Variants in PRKCE observed in about 807,000 individuals in gnomAD.
PRKCE encodes protein kinase C epsilon.
Under a neutral mutation model 85.4 loss-of-function variants are expected in PRKCE, and 16 were observed. That is an observed-to-expected ratio of 0.19 (90% confidence interval 0.13 to 0.28). The LOEUF (loss-of-function observed/expected upper bound fraction) is 0.28, where lower values mean the gene tolerates loss of function less well. Among genes scored for constraint, PRKCE ranks in the 10% least tolerant of loss-of-function variants. The pLI, the probability that PRKCE is intolerant of heterozygous loss-of-function variation, is 1.00. For missense variants in PRKCE, 573 were observed against 975.2 expected (o/e 0.59, Z 5.49); for synonymous variants, 388 against 371.5 (o/e 1.04, Z -0.51).
At chr2:45,749,543 G>T (rs1249926112) in intron 1 of PRKCE, among the ~76,000 whole-genome samples, 1 of 152,182 alleles carries the variant, frequency 6.6e-6, no homozygotes, top group Non-Finnish European at 1.5e-5. Context: ...GCCTCAAAGA[G>T]AATTCACAGT....
At chr2:46,059,821 A>C (rs1272045387) in intron 10 of PRKCE, among the ~76,000 whole-genome samples, 1 of 151,390 alleles carries the variant, frequency 6.6e-6, no homozygotes, top group African/African-American at 2.5e-5. Context: ...TCTCTTTAAA[A>C]CAACAACAAC....
At chr2:45,987,573 T>G (rs1478916170) in intron 6 of PRKCE, among the ~76,000 whole-genome samples, 1 of 152,142 alleles carries the variant, frequency 6.6e-6, no homozygotes, top group Non-Finnish European at 1.5e-5. Flanking sequence ...CCCTGTATTA[T>G]GTGCCCCCCA....
chr2:45,909,661 C>A (rs1203968056), intron 2 of PRKCE, among the ~76,000 whole-genome samples: 1 of 152,196 alleles, frequency 6.6e-6, no homozygotes, highest in Non-Finnish European at 1.5e-5. Context: ...CATCCCCTAC[C>A]CCCATTCTGT....
chr2:46,033,519 G>A (rs1332961835), intron 10 of PRKCE, among the ~76,000 whole-genome samples: 1 of 152,176 alleles, frequency 6.6e-6, no homozygotes, highest in East Asian at 1.9e-4. Context: ...ATTCAATAGG[G>A]CTTGGGGATC....
At chr2:45,952,341 C>T (rs1284324371) in intron 2 of PRKCE, among the ~76,000 whole-genome samples, 3 of 152,244 alleles carry the variant, frequency 2.0e-5, no homozygotes, top group Non-Finnish European at 4.4e-5. Context: ...CGCAAGCGTA[C>T]ATAAGTCATC....
chr2:45,866,539 C>A (rs10189145), intron 2 of PRKCE, among the ~76,000 whole-genome samples: 62,182 of 151,758 alleles, frequency 0.41, 14,021 homozygotes, highest in East Asian at 0.85. Context: ...GATCTCCAGA[C>A]CTCGTGATCC....
intron 2 of PRKCE, among the ~76,000 whole-genome samples, chr2:45,917,905 G>A (rs918914466): frequency 8.3e-6 from 1 of 120,250 alleles, no homozygotes; most frequent in Non-Finnish European, 1.8e-5. Context: ...CTCCGCAGCC[G>A]CTGGCCCGGT....
At chr2:45,858,792 G>C (rs556128863) in intron 2 of PRKCE, among the ~76,000 whole-genome samples, 78 of 152,244 alleles carry the variant, frequency 5.1e-4, no homozygotes, top group African/African-American at 1.8e-3. Flanking sequence ...TGTAATCCCA[G>C]CACTTTGGGA....
In PRKCE at chr2:45,980,354, G is replaced by A. The variant is rs369620289; in HGVS notation, c.666G>A (p.Gly222=). The part of the protein sequence containing the change: ...CHELIITKCA[G]LKKQETPDQV... ...AGCTCATAATCACAAAGTGTGCTGG[G>A]TTAAAGAAGCAGGAGACCCCCGACC... Residue 222 remains glycine, a synonymous_variant, in exon 5 of 15, where the codon GGG becomes GGA. Coordinates refer to ENST00000306156, the MANE Select transcript of PRKCE (RefSeq NM_005400.3). The A allele has an allele frequency of 9.4e-6, 15 of 1,599,578 alleles. No individual in the cohort carries two copies. Among genetic ancestry groups the A allele is most frequent in the African/African-American group, 5.3e-5 (4 of 74,922 alleles).
intron 11 of PRKCE, among the ~76,000 whole-genome samples, chr2:46,125,774 T>A (rs893746469): frequency 6.6e-6 from 1 of 152,232 alleles, no homozygotes; most frequent in Non-Finnish European, 1.5e-5. Context: ...GTTCTGCCTA[T>A]GACAATGAGT....
chr2:46,146,342 G>T (rs1304348543), intron 12 of PRKCE, among the ~76,000 whole-genome samples: 1 of 152,266 alleles, frequency 6.6e-6, no homozygotes, highest in African/African-American at 2.4e-5. Flanking sequence ...ATTTCTTTCA[G>T]TGGGCATTGT....
At chr2:46,031,774 G>A (rs1415262601) in intron 10 of PRKCE, among the ~76,000 whole-genome samples, 3 of 152,094 alleles carry the variant, frequency 2.0e-5, no homozygotes, top group South Asian at 2.1e-4. Context: ...AGCAGCTACC[G>A]TCAAGTTGCT....
intron 2 of PRKCE, among the ~76,000 whole-genome samples, chr2:45,860,586 A>G (rs770055320): frequency 1.3e-5 from 2 of 152,238 alleles, no homozygotes; most frequent in Non-Finnish European, 2.9e-5. Context: ...TATAGGAACA[A>G]GAGCTGGTAG....
chr2:46,078,060 G>A (rs1668710222), intron 10 of PRKCE: 2 of 152,350 alleles, frequency 1.3e-5, no homozygotes, highest in Admixed American at 6.5e-5. Context: ...CCAAGGAAGT[G>A]TAGTAGTGAG....
intron 2 of PRKCE, among the ~76,000 whole-genome samples, chr2:45,909,373 A>C (rs917389619): frequency 2.0e-5 from 3 of 152,168 alleles, no homozygotes; most frequent in Non-Finnish European, 4.4e-5. Flanking sequence ...GCTGATATTA[A>C]CAATTCAACA....
intron 1 of PRKCE, among the ~76,000 whole-genome samples, chr2:45,777,401 C>T (rs190495505): frequency 3.2e-4 from 49 of 152,158 alleles, no homozygotes; most frequent in African/African-American, 1.1e-3. Flanking sequence ...CACCGTGAAC[C>T]TCAGAGCACA....
Position 46,159,172 on chromosome 2 carries a change from A to G in PRKCE, c.1921-434A>G, listed in dbSNP as rs1222028041. On this transcript the variant is annotated intron_variant, in intron 13 of 14. Coordinates refer to ENST00000306156, the MANE Select transcript of PRKCE (RefSeq NM_005400.3). The surrounding 1 kb of genome is among the most constrained non-coding windows in gnomAD (Gnocchi z 4.1). ...CTCAAAAAGGACCGTTGACCCCTCC[A>G]TGTAAATGAGTTTATCAGACCTCAG... Among the ~76,000 whole-genome samples the G allele has an allele frequency of 6.6e-6, 1 of 152,200 alleles. No individual in the cohort carries two copies. The highest frequency in any genetic ancestry group is 6.5e-5 in the Admixed American group (1 of 15,278).
intron 14 of PRKCE, among the ~76,000 whole-genome samples, chr2:46,167,616 T>C (rs1318523929): frequency 2.6e-5 from 4 of 152,096 alleles, no homozygotes. Context: ...CAGCCACTGG[T>C]ATGAGCTGGG....
intron 1 of PRKCE, among the ~76,000 whole-genome samples, chr2:45,668,111 C>T (rs1012016570): frequency 4.6e-5 from 7 of 152,146 alleles, no homozygotes; most frequent in Non-Finnish European, 8.8e-5. Flanking sequence ...GAGGCCGAGG[C>T]GGTTGTATCA....
Sources: gnomAD v4.1 joint callset for allele counts (sites outside exome capture counted in the v4.1 genomes callset) on GRCh38, gnomAD v4.1.1 for gene constraint, Gnocchi (gnomAD v3.1) non-coding constraint, MANE v1.5 for transcripts, NCBI Gene and HGNC (gene_info 2026-07-23, HGNC 2026-07-21) for gene names.